STK24: variants seen among roughly 807,000 people sequenced by gnomAD.
STK24 encodes the protein serine/threonine kinase 24.
In STK24, 21 loss-of-function variants were observed where a neutral mutation model predicts 55.6. That is an observed-to-expected ratio of 0.38 (90% confidence interval 0.27 to 0.54). The LOEUF (loss-of-function observed/expected upper bound fraction) is 0.54. STK24 is among the 20% of genes least tolerant of loss of function. STK24 has a pLI of 0.79. For missense variants in STK24, 383 were observed against 538.4 expected, an observed-to-expected ratio of 0.71 and a Z score of 2.86; for synonymous variants, 200 against 215.2, an observed-to-expected ratio of 0.93 and a Z score of 0.62.
At chr13:98,571,855 C>T (rs1453244213) in intron 1 of STK24, among the ~76,000 whole-genome samples, 1 of 152,236 alleles carries the variant, frequency 6.6e-6, no homozygotes, top group Non-Finnish European at 1.5e-5. Flanking sequence ...GGGCTCCCCA[C>T]TCGCATCCCT....
rs571677813 is a variant in STK24, at chr13:98,485,055, T to C, written c.274-2734A>G. Among the ~76,000 whole-genome samples the C allele has an allele frequency of 3.9e-5, 6 of 152,236 alleles. No homozygotes were observed. The South Asian group carries it at 1.2e-3, about 32-fold the overall frequency. ...CACCAACAACCAGGGGGTGGGATAT[T>C]GCATCAGGAAAAGCTCCACTCTGGG... On this transcript the variant is annotated intron_variant, in intron 2 of 10. Coordinates refer to ENST00000539966, the MANE Select transcript of STK24 (RefSeq NM_001032296.4).
At position 98,475,838 on chromosome 13, in the gene STK24, T is replaced by A. The variant is rs1354956718; in HGVS notation, c.331-480A>T. Among the ~76,000 whole-genome samples, 4 of 152,202 alleles carry A rather than the reference T, an allele frequency of 2.6e-5. No homozygotes were observed. The South Asian group carries it at 8.3e-4, about 32-fold the overall frequency. ...CAGCCAGGATCTGTCCTAACATATG[T>A]GGTTCCCTTACCAGAAGGCTCACCC... On this transcript the variant is annotated intron_variant, in intron 3 of 10. Transcript: ENST00000539966.
At chr13:98,460,909 G>A (rs763536984) in intron 8 of STK24, among the ~76,000 whole-genome samples, 17 of 151,920 alleles carry the variant, frequency 1.1e-4, no homozygotes, top group African/African-American at 3.4e-4. Context: ...TAAACTGGGC[G>A]TGATGTCACA....
At chr13:98,459,477 T>G (rs1050817536) in intron 9 of STK24, among the ~76,000 whole-genome samples, 2 of 151,960 alleles carry the variant, frequency 1.3e-5, no homozygotes, top group African/African-American at 2.4e-5. Flanking sequence ...GGGCAACAGG[T>G]GAAGGCTTAT....
intron 5 of STK24, among the ~76,000 whole-genome samples, chr13:98,470,207 G>T (rs1023225356): frequency 6.6e-6 from 1 of 152,118 alleles, no homozygotes; most frequent in Non-Finnish European, 1.5e-5. Flanking sequence ...TGTCACCCAG[G>T]TTCAAGCCAT....
intron 2 of STK24, among the ~76,000 whole-genome samples, chr13:98,490,287 T>C (rs1431367323): frequency 6.6e-6 from 1 of 152,220 alleles, no homozygotes; most frequent in Non-Finnish European, 1.5e-5. Flanking sequence ...CCCCAAATGC[T>C]GAACCTAACC....
At chr13:98,567,758 C>T (rs1897624080) in intron 1 of STK24, among the ~76,000 whole-genome samples, 1 of 151,412 alleles carries the variant, frequency 6.6e-6, no homozygotes, top group African/African-American at 2.5e-5. Flanking sequence ...TCTTTATTCA[C>T]CTATAAACTG....
chr13:98,519,687 G>A (rs1896193155), intron 1 of STK24, among the ~76,000 whole-genome samples: 1 of 152,078 alleles, frequency 6.6e-6, no homozygotes, highest in Admixed American at 6.5e-5. Flanking sequence ...GACTATGAAA[G>A]GCAGCAAGCG....
intron 2 of STK24, among the ~76,000 whole-genome samples, chr13:98,511,987 C>T (rs542096334): frequency 2.7e-5 from 4 of 149,964 alleles, no homozygotes; most frequent in African/African-American, 4.9e-5. Flanking sequence ...CAGGTTCAAG[C>T]GATTCTCGTG....
chr13:98,474,692 A>G (rs1449230181), intron 5 of STK24, 129 bp downstream of exon 5: 1 of 1,199,780 alleles, frequency 8.3e-7, no homozygotes, highest in Non-Finnish European at 1.2e-6. Context: ...AAGGTTGAAG[A>G]ATTACCTTTA....
At position 98,451,958 on chromosome 13, in the gene STK24, TGCATCATCTCGGTGA is replaced by T. The variant is rs1252013875; in HGVS notation, c.*1200_*1214del. ...ATCGCACAGATCAGCAACCTCCAAC[TGCATCATCTCGGTGA>T]GCAAGTGCGCAAGCAGTCCAGGGCG... On this transcript the variant is annotated 3_prime_UTR_variant, in exon 11 of 11. Coordinates refer to ENST00000539966, the MANE Select transcript of STK24 (RefSeq NM_001032296.4). 2.0e-5 allele frequency: 3 copies of T among 152,088 alleles called. No homozygotes were observed. The highest frequency in any genetic ancestry group is 7.3e-5 in the African/African-American group (3 of 41,356). 9.4% of individuals were successfully genotyped at this position (152,088 alleles called of 1,614,324 possible).
At position 98,451,386 on chromosome 13, in the gene STK24, G is replaced by A. The variant is rs1893186086; in HGVS notation, c.*1787C>T. 2.0e-4 allele frequency: 31 copies of A among 152,120 alleles called. 1 individual carries two copies. The highest frequency in any genetic ancestry group is 2.0e-3 in the Admixed American group (31 of 15,276). 9.4% of individuals were successfully genotyped at this position (152,120 alleles called of 1,614,324 possible). ...TTTTATTATTCAACATAACATTCTT[G>A]TATGGAGTAATGAGTACAATAAGAA... On this transcript the variant is annotated 3_prime_UTR_variant, in exon 11 of 11. Transcript: ENST00000539966.
chr13:98,478,164 G>A (rs1478584745), intron 3 of STK24, among the ~76,000 whole-genome samples: 1 of 152,176 alleles, frequency 6.6e-6, no homozygotes, highest in Non-Finnish European at 1.5e-5. Context: ...GCTGGTGTTC[G>A]CCATTGCGAC....
chr13:98,459,227 C>T (rs1415844551), intron 9 of STK24, among the ~76,000 whole-genome samples: 14 of 152,208 alleles, frequency 9.2e-5, no homozygotes, highest in Admixed American at 6.5e-4. Flanking sequence ...GCGCTCAACC[C>T]GGACATCCTA....
intron 1 of STK24, among the ~76,000 whole-genome samples, chr13:98,551,875 T>G (rs1476273194): frequency 1.3e-5 from 2 of 152,178 alleles, no homozygotes; most frequent in Non-Finnish European, 2.9e-5. Flanking sequence ...GAAATGAGCA[T>G]CATGTCTCAT....
At chr13:98,466,706 C>T (rs371517406) in intron 5 of STK24, 145 bp from the exon 6 acceptor site, 7 of 923,308 alleles carry the variant, frequency 7.6e-6, no homozygotes, top group Middle Eastern at 3.4e-4. Context: ...CATAAGCCCT[C>T]GCTGTAATTT....
chr13:98,539,662 T>C (rs1019842157), intron 1 of STK24, among the ~76,000 whole-genome samples: 2 of 152,310 alleles, frequency 1.3e-5, no homozygotes, highest in Non-Finnish European at 2.9e-5. Flanking sequence ...ACTAGGTCCA[T>C]AATGGCAACT....
chr13:98,567,655 T>C (rs767729511), intron 1 of STK24, among the ~76,000 whole-genome samples: 5 of 152,242 alleles, frequency 3.3e-5, no homozygotes, highest in Non-Finnish European at 7.4e-5. Flanking sequence ...CACAATCTCA[T>C]GATGAAGAGA....
At chr13:98,571,961 C>G (rs886616889) in intron 1 of STK24, among the ~76,000 whole-genome samples, 2 of 152,208 alleles carry the variant, frequency 1.3e-5, no homozygotes, top group African/African-American at 2.4e-5. Flanking sequence ...AACAGGAGAT[C>G]ATCTGCTCAA....
Sources: gnomAD v4.1 joint callset for allele counts (sites outside exome capture counted in the v4.1 genomes callset) on GRCh38, gnomAD v4.1.1 for gene constraint, MANE v1.5 for transcripts, NCBI Gene and HGNC (gene_info 2026-07-23, HGNC 2026-07-21) for gene names.